The following ANKDD1A variants were observed in gnomAD, a reference collection of about 807,000 sequenced individuals.
ANKDD1A encodes the protein ankyrin repeat and death domain-containing protein 1A.
A neutral mutation model predicts 63.5 loss-of-function variants in ANKDD1A; 59 were observed. The observed-to-expected ratio is 0.93, with a 90% CI of 0.75 to 1.15. The LOEUF (loss-of-function observed/expected upper bound fraction) is 1.15, where lower values mean the gene tolerates loss of function less well. Among genes scored for constraint, ANKDD1A ranks in the 50% most tolerant of loss-of-function variants. ANKDD1A has a pLI of 0.00. For synonymous variants in ANKDD1A, 266 were observed against 263.9 expected, an observed-to-expected ratio of 1.01 and a Z score of -0.08; for missense variants, 632 against 656.4, an observed-to-expected ratio of 0.96 and a Z score of 0.41.
At chr15:64,944,305 C>T (rs560566796) in intron 11 of ANKDD1A, among the ~76,000 whole-genome samples, 25 of 152,302 alleles carry the variant, frequency 1.6e-4, no homozygotes, top group African/African-American at 6.0e-4. Context: ...AACCCAAGCC[C>T]CCATCTCTGG....
intron 14 of ANKDD1A, among the ~76,000 whole-genome samples, chr15:64,956,716 C>T (rs543448564): frequency 5.3e-5 from 8 of 152,020 alleles, no homozygotes; most frequent in East Asian, 2.0e-4. Context: ...CCATCATGCC[C>T]GGCTAATTTT....
intron 12 of ANKDD1A, among the ~76,000 whole-genome samples, chr15:64,944,973 A>T (rs2085211862): frequency 6.6e-6 from 1 of 152,206 alleles, no homozygotes; most frequent in South Asian, 2.1e-4. Flanking sequence ...GCCAGCGTGG[A>T]GATACTGCTG....
At chr15:64,951,706 A>T (rs199586606) in intron 14 of ANKDD1A, among the ~76,000 whole-genome samples, 10 of 135,322 alleles carry the variant, frequency 7.4e-5, no homozygotes, top group African/African-American at 2.8e-4. Context: ...CTTCTTCCTT[A>T]TTTTCTTTTT....
chr15:64,915,716 G>C, intron 1 of ANKDD1A, 81 bp from the exon 2 acceptor site: 1 of 1,223,630 alleles, frequency 8.2e-7, no homozygotes, highest in Non-Finnish European at 1.2e-6. Flanking sequence ...ATGTTCAGGA[G>C]TGGAAATGGG....
At chr15:64,928,599 G>A (rs945073102) in intron 6 of ANKDD1A, among the ~76,000 whole-genome samples, 8 of 152,202 alleles carry the variant, frequency 5.3e-5, no homozygotes, top group African/African-American at 1.4e-4. Flanking sequence ...TGCCTGATAA[G>A]GGGGATAGAC....
chr15:64,921,984 G>A lies in ANKDD1A; in HGVS notation c.331G>A (p.Val111Ile). 1.2e-6 allele frequency: 2 copies of A among 1,614,118 alleles called. No homozygotes were observed. Among genetic ancestry groups the A allele is most frequent in the South Asian group, 1.1e-5 (1 of 91,076 alleles). ...FGHLRILQIL[V>I]NSGAKIHCES... ...CCACTTACGAATCCTCCAGATCTTG[G>A]TAAACTCAGGGGCCAAGATCCACTG... The change falls in exon 4 of 15, where the codon GTA becomes ATA. Residue 111 changes from valine to isoleucine, a missense_variant. Physicochemically the swap from Val to Ile is conservative, Grantham distance 29 (BLOSUM62 3). Transcript: ENST00000319580.
rs531131682 is a variant in ANKDD1A at position 64,946,080 on chromosome 15, A to C, written c.1162-1324A>C. Among the ~76,000 whole-genome samples the C allele has an allele frequency of 6.6e-5, 10 of 152,234 alleles. No individual in the cohort carries two copies. In the South Asian group the frequency reaches 2.1e-3, roughly 32 times the overall value. On this transcript the variant is annotated intron_variant, in intron 12 of 14. Transcript: ENST00000319580. The stretch of plus-strand genomic sequence containing the variant: ...TATTATTCTATTTATACAACTAGTA[A>C]ATTTTTCCTGTCAGTTTCAAGGAAG...
At chr15:64,929,316 G>C (rs1021521934) in intron 6 of ANKDD1A, among the ~76,000 whole-genome samples, 1 of 152,050 alleles carries the variant, frequency 6.6e-6, no homozygotes, top group Non-Finnish European at 1.5e-5. Context: ...TGGAACTACA[G>C]GCACGCACCA....
chr15:64,951,417 T>G, intron 14 of ANKDD1A: 3 of 128,648 alleles, frequency 2.3e-5, no homozygotes, highest in Non-Finnish European at 3.2e-5. Flanking sequence ...TTTTCTTTTC[T>G]TCCTCTTTTC....
chr15:64,928,523 G>A (rs2085064526), intron 6 of ANKDD1A, among the ~76,000 whole-genome samples: 1 of 149,804 alleles, frequency 6.7e-6, no homozygotes, highest in African/African-American at 2.4e-5. Context: ...TAAGTTTTGT[G>A]TTTTCACAAT....
At chr15:64,931,748 G>A in intron 8 of ANKDD1A, 163 bp downstream of exon 8, 1 of 709,698 alleles carries the variant, frequency 1.4e-6, no homozygotes, top group South Asian at 1.7e-5. Flanking sequence ...CCTGTGACCT[G>A]GAGCAAGTTA....
chr15:64,951,932 CCTTT>C (rs776252833), intron 14 of ANKDD1A, among the ~76,000 whole-genome samples: 107 of 112,048 alleles, frequency 9.5e-4, no homozygotes, highest in Admixed American at 1.9e-3. Flanking sequence ...TCCTCTTCTT[CCTTT>C]CTTTTCTTCT....
intron 6 of ANKDD1A, among the ~76,000 whole-genome samples, chr15:64,930,439 C>G (rs988524460): frequency 2.6e-5 from 4 of 152,008 alleles, no homozygotes; most frequent in African/African-American, 9.7e-5. Flanking sequence ...CAATGAGAAA[C>G]TAACGTCTCA....
chr15:64,921,849 A>G (rs1252764452), intron 3 of ANKDD1A, 72 bp from the exon 4 acceptor site: 1 of 1,337,366 alleles, frequency 7.5e-7, no homozygotes, highest in African/African-American at 1.4e-5. Flanking sequence ...TTTAGTCATA[A>G]GGCACAGGGC....
intron 12 of ANKDD1A, 52 bp downstream of exon 12, chr15:64,944,799 G>A (rs1303761975): frequency 2.5e-6 from 4 of 1,588,820 alleles, no homozygotes; most frequent in Non-Finnish European, 3.4e-6. Flanking sequence ...AGTGATTTTG[G>A]CTCCAGATGG....
rs200840260 is a variant in ANKDD1A, at chr15:64,921,923, T to C, written c.270T>C (p.Phe90=). ...CTCCTCTATGTCCTCTCCCCTAGTT[T>C]GGGATGAATGCGCTTCTCCTGTCTG... The part of the protein sequence containing the change: ...VGALTEARLC[F]GMNALLLSAW... Residue 90 remains phenylalanine, a splice_region_variant and synonymous_variant, in exon 4 of 15, where the codon TTT becomes TTC. Coordinates refer to ENST00000319580, the MANE Select transcript of ANKDD1A (RefSeq NM_182703.6). 108 of 1,614,018 alleles carry C rather than the reference T, an allele frequency of 6.7e-5. No homozygotes were observed. In the African/African-American group the frequency reaches 1.3e-3, roughly 19 times the overall value.
In ANKDD1A at chr15:64,957,883, AAG is replaced by A. The variant is rs1479184157; in HGVS notation, c.*697_*698del. ...ATAGTATGCTGTTAATTGTGTAAGA[AAG>A]AAAGGAAATTAGAAAACATATTTGC... On this transcript the variant is annotated 3_prime_UTR_variant, in exon 15 of 15. Coordinates refer to ENST00000319580, the MANE Select transcript of ANKDD1A (RefSeq NM_182703.6). 1.3e-5 allele frequency: 2 copies of A among 152,218 alleles called. No individual in the cohort carries two copies. Among genetic ancestry groups the A allele is most frequent in the Non-Finnish European group, 2.9e-5 (2 of 68,036 alleles). 9.4% of individuals were successfully genotyped at this position (152,218 alleles called of 1,614,324 possible). A position where few individuals can be genotyped will look rare whatever the true frequency, so the allele number is the denominator to read the frequency against.
intron 4 of ANKDD1A, among the ~76,000 whole-genome samples, chr15:64,925,160 G>A (rs1009709222): frequency 2.0e-5 from 3 of 150,258 alleles, no homozygotes; most frequent in Non-Finnish European, 3.0e-5. Flanking sequence ...CCCAGGAGGT[G>A]GAAGTTGCAG....
chr15:64,943,745 C>A, intron 11 of ANKDD1A, 163 bp downstream of exon 11: 1 of 650,500 alleles, frequency 1.5e-6, no homozygotes, highest in South Asian at 1.8e-5. Context: ...GCCTTCCTGA[C>A]CTTCCACCAC....
Sources: allele counts gnomAD v4.1 joint callset (sites outside exome capture counted in the v4.1 genomes callset), GRCh38; gene constraint gnomAD v4.1.1; transcripts MANE v1.5; gene names NCBI Gene and HGNC (gene_info 2026-07-23, HGNC 2026-07-21).